GLT1D1: variants seen among roughly 807,000 people sequenced by gnomAD.
GLT1D1 encodes glycosyltransferase 1 domain containing 1, also known as glycosyltransferase 1 domain-containing protein 1.
A neutral mutation model predicts 28.7 loss-of-function variants in GLT1D1; 21 were observed. The ratio of observed to expected loss-of-function variants is 0.73; its 90% CI spans 0.52 to 1.05. The LOEUF (loss-of-function observed/expected upper bound fraction) is 1.05, where lower values mean the gene tolerates loss of function less well. Ranked by LOEUF, GLT1D1 falls within the 50% of genes least tolerant of loss-of-function variation. The probability of loss-of-function intolerance (pLI) is 0.00; values close to 1 mark genes in which losing one functional copy is unlikely to be tolerated. For synonymous variants in GLT1D1, 147 were observed against 124.8 expected (o/e 1.18, Z -1.19); for missense variants, 343 against 330.6 (o/e 1.04, Z -0.29).
At chr12:128,859,599 C>T (rs781048551) in intron 1 of GLT1D1, among the ~76,000 whole-genome samples, 2 of 152,138 alleles carry the variant, frequency 1.3e-5, no homozygotes, top group African/African-American at 4.8e-5. Context: ...GCTGATGAAC[C>T]CTTCTCTAGG....
intron 1 of GLT1D1, among the ~76,000 whole-genome samples, chr12:128,855,845 C>G (rs990519699): frequency 3.4e-4 from 51 of 150,646 alleles, no homozygotes; most frequent in Admixed American, 3.3e-3. Flanking sequence ...CTCTGCCCCC[C>G]GGTTCCAGCG....
At chr12:128,872,053 G>A (rs1956702365) in intron 1 of GLT1D1, among the ~76,000 whole-genome samples, 1 of 152,198 alleles carries the variant, frequency 6.6e-6, no homozygotes, top group African/African-American at 2.4e-5. Flanking sequence ...CCGGGTTCAA[G>A]CGATTCTCCT....
In GLT1D1 at chr12:128,944,004, C is replaced by T. The variant is rs150130884; in HGVS notation, c.376-1322C>T. 5.9e-5 allele frequency among the ~76,000 whole-genome samples: 9 copies of T among 152,264 alleles called. No individual in the cohort carries two copies. In the East Asian group the frequency reaches 1.4e-3, roughly 23 times the overall value. On this transcript the variant is annotated intron_variant, in intron 4 of 7. Transcript: ENST00000281703. ...ACTACCAAATGCTCTTTTAATTTTG[C>T]TCCAACAGATGTTTTAAAAGTTCAG... is the stretch of plus-strand genomic sequence containing the variant.
intron 6 of GLT1D1, among the ~76,000 whole-genome samples, chr12:128,950,413 G>T (rs965148481): frequency 2.0e-5 from 3 of 152,180 alleles, no homozygotes; most frequent in Admixed American, 6.5e-5. Flanking sequence ...ATCCGAATGT[G>T]CTGTGGGCAC....
chr12:128,979,961 G>A (rs1880161667), intron 7 of GLT1D1, among the ~76,000 whole-genome samples: 1 of 152,184 alleles, frequency 6.6e-6, no homozygotes, highest in African/African-American at 2.4e-5. Flanking sequence ...ACGGTTGTAT[G>A]GGTGCCTGAA....
chr12:128,853,553 C>G lies in GLT1D1; in HGVS notation c.-29C>G, dbSNP rs1956120796. ...GGGGCCTGGTCGGCGGCGGCGGGGC[C>G]GGTCGATGGCCCGGGCGGCGGCGGC... On this transcript the variant is annotated 5_prime_UTR_variant, in exon 1 of 8. Transcript: ENST00000281703. 1 of 1,057,166 alleles carries G rather than the reference C, an allele frequency of 9.5e-7. No individual in the cohort carries two copies. Among genetic ancestry groups the G allele is most frequent in the Non-Finnish European group, 1.1e-6 (1 of 880,492 alleles). 65.5% of individuals were successfully genotyped at this position (1,057,166 alleles called of 1,614,324 possible).
At chr12:128,880,666 A>G (rs1369437176) in intron 2 of GLT1D1, among the ~76,000 whole-genome samples, 3 of 152,212 alleles carry the variant, frequency 2.0e-5, no homozygotes, top group Admixed American at 1.3e-4. Flanking sequence ...CATTCTGTGC[A>G]TACACTACAC....
chr12:128,945,458 G>A, intron 5 of GLT1D1, 89 bp downstream of exon 9: 1 of 1,058,802 alleles, frequency 9.4e-7, no homozygotes, highest in Non-Finnish European at 1.5e-6. Context: ...CCAGTCCCAG[G>A]CACTATTCCA....
intron 4 of GLT1D1, chr12:128,930,564 G>A (rs1375146169): frequency 1.3e-5 from 2 of 152,228 alleles, no homozygotes; most frequent in Non-Finnish European, 2.9e-5. Flanking sequence ...TAGCGTGTGG[G>A]ATGGAAGAAA....
chr12:128,944,516 T>A (rs1000463441), intron 4 of GLT1D1: 2 of 956,124 alleles, frequency 2.1e-6, no homozygotes, highest in African/African-American at 1.6e-5. Flanking sequence ...CCCACAGTTG[T>A]GGGAGGGTTG....
intron 2 of GLT1D1, among the ~76,000 whole-genome samples, chr12:128,883,870 A>G (rs1361855432): frequency 6.6e-6 from 1 of 152,216 alleles, no homozygotes. Flanking sequence ...CTTCTAGTCT[A>G]TAAATAAAAC....
chr12:128,879,109 G>T (rs1417033988), intron 2 of GLT1D1, among the ~76,000 whole-genome samples: 2 of 152,198 alleles, frequency 1.3e-5, no homozygotes, highest in African/African-American at 4.8e-5. Flanking sequence ...CCTGAGTTTA[G>T]TGATTCTGTT....
At chr12:128,898,027 A>G (rs1248874785) in intron 3 of GLT1D1, among the ~76,000 whole-genome samples, 2 of 151,516 alleles carry the variant, frequency 1.3e-5, no homozygotes, top group Non-Finnish European at 2.9e-5. Flanking sequence ...TTTGGTTTTG[A>G]TCTTTCTATC....
In GLT1D1 at chr12:128,946,144, G is replaced by A. The variant is rs548407718; in HGVS notation, c.419+775G>A. ...GTGTGTGCAAAAGTATCACCTGCTCGGGGAAGGGAGGCCTGGCAGAGCCAT... is the reference window on the plus strand; with the variant it reads ...GTGTGTGCAAAAGTATCACCTGCTCAGGGAAGGGAGGCCTGGCAGAGCCAT... On this transcript the variant is annotated intron_variant, in intron 5 of 7. Coordinates refer to ENST00000281703, the MANE Select transcript of GLT1D1 (RefSeq NM_144669.3). 4.9e-4 allele frequency among the ~76,000 whole-genome samples: 75 copies of A among 152,278 alleles called. No homozygotes were observed. In the South Asian group the frequency reaches 7.0e-3, roughly 14 times the overall value.
chr12:128,854,347 C>T (rs1468681256), intron 1 of GLT1D1, among the ~76,000 whole-genome samples: 2 of 151,324 alleles, frequency 1.3e-5, no homozygotes, highest in African/African-American at 4.9e-5. Context: ...TTCCTTGAGG[C>T]GAAGCCTGGG....
intron 7 of GLT1D1, among the ~76,000 whole-genome samples, chr12:128,969,396 C>T (rs1878809464): frequency 6.6e-6 from 1 of 152,152 alleles, no homozygotes; most frequent in African/African-American, 2.4e-5. Context: ...GGAGAAGGGA[C>T]CATTTCTGAG....
At chr12:128,961,707 C>G (rs1013301721) in intron 7 of GLT1D1, among the ~76,000 whole-genome samples, 1 of 152,072 alleles carries the variant, frequency 6.6e-6, no homozygotes, top group Non-Finnish European at 1.5e-5. Flanking sequence ...TGGTGCTGGC[C>G]CACATTGCTG....
intron 4 of GLT1D1, among the ~76,000 whole-genome samples, chr12:128,938,479 C>A (rs183231170): frequency 6.6e-6 from 1 of 152,320 alleles, no homozygotes; most frequent in Admixed American, 6.5e-5. Context: ...CATTACCAAT[C>A]CTTTGCGTTA....
intron 4 of GLT1D1, among the ~76,000 whole-genome samples, chr12:128,901,765 T>G (rs1870304067): frequency 6.6e-6 from 1 of 151,154 alleles, no homozygotes; most frequent in South Asian, 2.1e-4. Context: ...TTATTTTTTT[T>G]GAGACGGGCT....
Sources: gnomAD v4.1 joint callset for allele counts (sites outside exome capture counted in the v4.1 genomes callset) on GRCh38, gnomAD v4.1.1 for gene constraint, MANE v1.5 for transcripts, NCBI Gene and HGNC (gene_info 2026-07-23, HGNC 2026-07-21) for gene names.